The following BMP1 variants were observed in gnomAD, a reference collection of about 807,000 sequenced individuals.
BMP1 encodes the protein mammalian tolloid protein.
In BMP1, 63 loss-of-function variants were observed where a neutral mutation model predicts 116.8. That is an observed-to-expected ratio of 0.54 (90% confidence interval 0.44 to 0.67). BMP1 has a LOEUF of 0.67. BMP1 is among the 30% of genes least tolerant of loss of function. BMP1 has a pLI of 0.00. For missense variants in BMP1, 1,183 were observed against 1,358.9 expected (o/e 0.87, Z 2.04); for synonymous variants, 536 against 533.4 (o/e 1.00, Z -0.07).
intron 1 of BMP1, among the ~76,000 whole-genome samples, chr8:22,173,084 G>A (rs543903073): frequency 2.0e-5 from 3 of 152,260 alleles, no homozygotes; most frequent in Non-Finnish European, 4.4e-5. Flanking sequence ...TAGCTCCACC[G>A]AAGCAGGGGC....
chr8:22,189,458 A>ACACG (rs1554483581), intron 8 of BMP1, among the ~76,000 whole-genome samples: 1 of 146,894 alleles, frequency 6.8e-6, no homozygotes, highest in Non-Finnish European at 1.5e-5. Context: ...ACACACACAC[A>ACACG]CACATATCTT....
At chr8:22,197,512 C>A (rs1389140470) in intron 15 of BMP1, 92 bp downstream of exon 15, 10 of 1,423,596 alleles carry the variant, frequency 7.0e-6, no homozygotes, top group Non-Finnish European at 9.6e-6. Flanking sequence ...ACTCCCCAGC[C>A]CTCCCTGGTG....
chr8:22,206,318 A>T (rs1176899711), intron 16 of BMP1, among the ~76,000 whole-genome samples: 1 of 152,170 alleles, frequency 6.6e-6, no homozygotes, highest in East Asian at 1.9e-4. Flanking sequence ...CCTGGCCAAC[A>T]TGGCGAAACC....
chr8:22,186,155 C>T (rs1282758059), intron 8 of BMP1, among the ~76,000 whole-genome samples: 2 of 152,068 alleles, frequency 1.3e-5, no homozygotes, highest in African/African-American at 4.8e-5. Flanking sequence ...TTCTTAATAC[C>T]TTCCCCGACT....
intron 15 of BMP1, chr8:22,199,292 C>T (rs1350886791): frequency 7.3e-7 from 1 of 1,366,582 alleles, no homozygotes; most frequent in South Asian, 1.1e-5. Flanking sequence ...TTTTGGGACA[C>T]CCACCGAGGA....
At chr8:22,175,884 G>A (rs1243457961) in intron 2 of BMP1, among the ~76,000 whole-genome samples, 1 of 152,180 alleles carries the variant, frequency 6.6e-6, no homozygotes, top group African/African-American at 2.4e-5. Flanking sequence ...AATGAGAGCC[G>A]AAAGCAGAAA....
rs1829466582 is a variant in BMP1, at chr8:22,211,790, T to C, written c.*62T>C. ...GCCCTTGGTCGCCTAGACTGGATAG[T>C]GGGGGTGGGCGGAAGGCAACGCACC... On this transcript the variant is annotated 3_prime_UTR_variant, in exon 20 of 20. Transcript: ENST00000306385. 1.9e-6 allele frequency: 3 copies of C among 1,610,848 alleles called. No individual in the cohort carries two copies. The highest frequency in any genetic ancestry group is 2.5e-6 in the Non-Finnish European group (3 of 1,178,718).
At position 22,177,073 on chromosome 8, in the gene BMP1, T is replaced by G; in HGVS notation, c.664T>G (p.Trp222Gly). ...VHELGHVVGFWHEHTRPDRDR... is the reference protein window; with the variant it reads ...VHELGHVVGFGHEHTRPDRDR... ...CGAGCTGGGCCACGTCGTCGGCTTCTGGCACGAACACACTCGGCCAGACCG... is the reference window on the plus strand; with the variant it reads ...CGAGCTGGGCCACGTCGTCGGCTTCGGGCACGAACACACTCGGCCAGACCG... The change falls in exon 5 of 20, where the codon TGG (tryptophan) becomes GGG (glycine). Residue 222 changes from tryptophan (W) to glycine (G), a missense_variant. Transcript: ENST00000306385. 6.2e-7 allele frequency: 1 copy of G among 1,612,582 alleles called. No individual in the cohort carries two copies. Among genetic ancestry groups the G allele is most frequent in the Non-Finnish European group, 8.5e-7 (1 of 1,179,438 alleles).
chr8:22,165,882 C>CGTGTGTGTGTGT (rs149003237), intron 1 of BMP1, among the ~76,000 whole-genome samples: 8,495 of 131,282 alleles, frequency 0.065, 414 homozygotes, highest in East Asian at 0.1. Flanking sequence ...CCTGTGCGTG[C>CGTGTGTGTGTGT]GTGTGTGTGT....
Position 22,211,722 on chromosome 8 carries a change from G to T in BMP1, c.2955G>T (p.Arg985Ser). ...AGTTCCAGGACACACTCCACAGCAG[G>T]AAGTGACCACTGCCTGAGCAGGGGC... is the stretch of plus-strand genomic sequence containing the variant. ...STKFQDTLHS[R>S]K The change falls in exon 20 of 20, where the codon AGG (arginine) becomes AGT (serine). Residue 985 changes from arginine (R) to serine (S), a missense_variant. Arg to Ser is a moderately radical substitution (Grantham distance 110). Transcript: ENST00000306385. The T allele has an allele frequency of 6.2e-7, 1 of 1,614,186 alleles. No homozygotes were observed. Among genetic ancestry groups the T allele is most frequent in the South Asian group, 1.1e-5 (1 of 91,086 alleles).
intron 15 of BMP1, among the ~76,000 whole-genome samples, chr8:22,197,774 G>A (rs1379697362): frequency 2.0e-5 from 3 of 152,240 alleles, no homozygotes; most frequent in Non-Finnish European, 4.4e-5. Context: ...AAGAACGTGG[G>A]TGGATGGAGG....
rs1828426227 is a variant in BMP1 at position 22,176,199 on chromosome 8, G to A, written c.319G>A (p.Gly107Arg). 3 of 1,614,020 alleles carry A rather than the reference G, an allele frequency of 1.9e-6. No homozygotes were observed. The highest frequency in any genetic ancestry group is 1.7e-6 in the Non-Finnish European group (2 of 1,180,042). ...GAGCACCAACGGGCAGCCTCAGAGG[G>A]GAGCCTGTGGGAGATGGAGAGGTAG... Reference protein sequence around the residue: ...CQSTNGQPQRGACGRWRGRSR... With the variant: ...CQSTNGQPQRRACGRWRGRSR... The change falls in exon 3 of 20, where the codon GGA (glycine) becomes AGA (arginine). Residue 107 changes from glycine to arginine, a missense_variant. Physicochemically the swap from Gly to Arg is moderately radical, Grantham distance 125. Transcript: ENST00000306385.
chr8:22,205,015 C>T (rs1210842241), intron 16 of BMP1, among the ~76,000 whole-genome samples: 2 of 152,110 alleles, frequency 1.3e-5, no homozygotes, highest in Non-Finnish European at 2.9e-5. Flanking sequence ...ATGAGCTGCA[C>T]CTCCCAGAAG....
rs1477320550 is a variant in BMP1, at chr8:22,194,006, A to G, written c.1181-52A>G. 3.4e-6 allele frequency: 5 copies of G among 1,481,162 alleles called. No homozygotes were observed. Among genetic ancestry groups the G allele is most frequent in the South Asian group, 1.1e-5 (1 of 87,878 alleles). 91.8% of individuals were successfully genotyped at this position (1,481,162 alleles called of 1,614,324 possible). ...AGCCTCCTGGAGAGGTGGGGCCTCT[A>G]TAGGGGGTGTCCTCAGGGTTCACCA... On this transcript the variant is annotated intron_variant, in intron 9 of 19. Transcript: ENST00000306385. The surrounding 1 kb of genome is among the most constrained non-coding windows in gnomAD (Gnocchi z 4.5).
In BMP1 at chr8:22,201,169, TC is replaced by T. The variant is rs1413503125; in HGVS notation, c.2108-632del. The T allele has an allele frequency of 1.2e-6, 2 of 1,611,298 alleles. No individual in the cohort carries two copies. The highest frequency in any genetic ancestry group is 3.3e-5 in the Admixed American group (2 of 59,860). On this transcript the variant is annotated intron_variant, in intron 15 of 19. Transcript: ENST00000306385. ...CGGGGACGCCCCCACCAGCTCAAAT[TC>T]CGAGTGCAGAAAAGAAACCGGACCC...
intron 2 of BMP1, among the ~76,000 whole-genome samples, chr8:22,174,627 C>CTTTTTTT (rs57781366): frequency 2.8e-5 from 3 of 106,280 alleles, no homozygotes; most frequent in African/African-American, 7.6e-5. Flanking sequence ...TTTTTTCTGT[C>CTTTTTTT]TTTTTTTTTT....
At chr8:22,174,582 C>T (rs1352602227) in intron 2 of BMP1, among the ~76,000 whole-genome samples, 1 of 151,398 alleles carries the variant, frequency 6.6e-6, no homozygotes, top group Non-Finnish European at 1.5e-5. Flanking sequence ...TAGCCCTCCC[C>T]TTCCCAAAGG....
chr8:22,166,806 G>A (rs1303518005), intron 1 of BMP1, among the ~76,000 whole-genome samples: 2 of 152,164 alleles, frequency 1.3e-5, no homozygotes, highest in East Asian at 1.9e-4. Flanking sequence ...GCTGGGCTGC[G>A]GGTAAACCAG....
At position 22,182,776 on chromosome 8, in the gene BMP1, C is replaced by A. The variant is rs112366642; in HGVS notation, c.1077+2293C>A. The stretch of plus-strand genomic sequence containing the variant: ...AATCCGCTCCTTACTCTCCTCCCAG[C>A]ACACACACCCCTTTGAAGATTGGGA... On this transcript the variant is annotated intron_variant, in intron 8 of 19. Transcript: ENST00000306385. Among the ~76,000 whole-genome samples, 263 of 152,324 alleles carry A rather than the reference C, an allele frequency of 1.7e-3. 1 individual carries two copies. The highest frequency in any genetic ancestry group is 0.01 in the Middle Eastern group (3 of 294).
Sources: allele counts gnomAD v4.1 joint callset (sites outside exome capture counted in the v4.1 genomes callset), GRCh38; gene constraint gnomAD v4.1.1; non-coding constraint Gnocchi (gnomAD v3.1); transcripts MANE v1.5; gene names NCBI Gene and HGNC (gene_info 2026-07-23, HGNC 2026-07-21).